DNAJA2: variants seen among roughly 807,000 people sequenced by gnomAD.
The protein encoded by DNAJA2 is dnaJ homolog subfamily A member 2.
DNAJA2 carries 6 observed loss-of-function variants against 49.3 expected under a neutral mutation model. The ratio of observed to expected loss-of-function variants is 0.12; its 90% CI spans 0.07 to 0.24. The LOEUF (loss-of-function observed/expected upper bound fraction) is 0.24, where lower values mean the gene tolerates loss of function less well. Ranked by LOEUF, DNAJA2 falls within the 10% of genes least tolerant of loss-of-function variation. The pLI, the probability that DNAJA2 is intolerant of heterozygous loss-of-function variation, is 1.00. For synonymous variants in DNAJA2, 160 were observed against 172.7 expected, an observed-to-expected ratio of 0.93 and a Z score of 0.58; for missense variants, 347 against 516.8, an observed-to-expected ratio of 0.67 and a Z score of 3.19.
chr16:46,959,518 AC>A, intron 6 of DNAJA2, 99 bp from the exon 7 acceptor site: 1 of 1,163,940 alleles, frequency 8.6e-7, no homozygotes, highest in Non-Finnish European at 1.2e-6. Flanking sequence ...CCTTATTTCT[AC>A]CACTCACTGC....
rs1254218115 is a variant in DNAJA2 at position 46,956,935 on chromosome 16, T to C, written c.*94A>G. The C allele has an allele frequency of 7.4e-7, 1 of 1,343,576 alleles. No homozygotes were observed. The highest frequency in any genetic ancestry group is 1.1e-6 in the Non-Finnish European group (1 of 937,296). 83.2% of individuals were successfully genotyped at this position (1,343,576 alleles called of 1,614,324 possible). A position where few individuals can be genotyped will look rare whatever the true frequency, so the allele number is the denominator to read the frequency against. ...CATAGACCAACAGATGTCCCTCAGT[T>C]CATCTGGATTGATAAGACACTCCAG... On this transcript the variant is annotated 3_prime_UTR_variant, in exon 9 of 9. Coordinates refer to ENST00000317089, the MANE Select transcript of DNAJA2 (RefSeq NM_005880.4).
chr16:46,971,794 G>A (rs1294213775), intron 2 of DNAJA2, 102 bp downstream of exon 2: 1 of 1,065,554 alleles, frequency 9.4e-7, no homozygotes, highest in Non-Finnish European at 1.4e-6. Flanking sequence ...GTGGCTGTGT[G>A]GGCATAGTTG....
chr16:46,968,984 C>A (rs1248997603), intron 3 of DNAJA2, among the ~76,000 whole-genome samples: 2 of 152,110 alleles, frequency 1.3e-5, no homozygotes, highest in African/African-American at 2.4e-5. Context: ...GAGATTGAGG[C>A]TGCAGTGAGC....
intron 1 of DNAJA2, 142 bp from the exon 2 acceptor site, chr16:46,972,097 C>G: frequency 6.1e-6 from 4 of 657,742 alleles, no homozygotes; most frequent in Non-Finnish European, 1.1e-5. Context: ...AGGGATTCTT[C>G]GGCACTTTCT....
Position 46,973,672 on chromosome 16 carries a change from AGC to A in DNAJA2, c.-102_-101del. Reference sequence around the variant, plus strand: ...GGCGGCGGCACAGGCCGAGGGAGACAGCGAGGGGGAAGCGGGGGCGGGGCTGA... The same window carrying A: ...GGCGGCGGCACAGGCCGAGGGAGACAGAGGGGGAAGCGGGGGCGGGGCTGA... On this transcript the variant is annotated 5_prime_UTR_variant, in exon 1 of 9. Transcript: ENST00000317089. The A allele has an allele frequency of 7.8e-7, 1 of 1,275,288 alleles. No homozygotes were observed. Among genetic ancestry groups the A allele is most frequent in the Non-Finnish European group, 1.1e-6 (1 of 921,200 alleles). 79.0% of individuals were successfully genotyped at this position (1,275,288 alleles called of 1,614,324 possible).
Position 46,957,148 on chromosome 16 carries a change from G to T in DNAJA2, c.1120C>A (p.Gln374Lys). 1 of 1,614,182 alleles carries T rather than the reference G, an allele frequency of 6.2e-7. No homozygotes were observed. The highest frequency in any genetic ancestry group is 1.1e-5 in the South Asian group (1 of 91,082). The change falls in exon 9 of 9, where the codon CAG becomes AAG. Residue 374 changes from glutamine (Q) to lysine (K), a missense_variant. Gln to Lys is a moderately conservative substitution (Grantham distance 53, BLOSUM62 1). Transcript: ENST00000317089. ...IIGETEEVELQEFDSTRGSGG... is the reference protein window; with the variant it reads ...IIGETEEVELKEFDSTRGSGG... The stretch of plus-strand genomic sequence containing the variant: ...GAGCCTCGAGTGCTATCAAATTCCT[G>T]AAGCTCTACCTCCTCTGTTTCTCCA...
Position 46,956,855 on chromosome 16 carries a change from G to T in DNAJA2, c.*174C>A, listed in dbSNP as rs1961822453. On this transcript the variant is annotated 3_prime_UTR_variant, in exon 9 of 9. Coordinates refer to ENST00000317089, the MANE Select transcript of DNAJA2 (RefSeq NM_005880.4). ...AGTCAAAATGAAGATGTAAAGCTTT[G>T]TGGTTAGTTTAAATTATACACTCTG... The T allele has an allele frequency of 1.5e-6, 1 of 685,948 alleles. No homozygotes were observed. Among genetic ancestry groups the T allele is most frequent in the African/African-American group, 1.8e-5 (1 of 55,772 alleles). 42.5% of individuals were successfully genotyped at this position (685,948 alleles called of 1,614,324 possible). A position where few individuals can be genotyped will look rare whatever the true frequency, so the allele number is the denominator to read the frequency against.
chr16:46,958,145 C>T (rs1961842648), intron 8 of DNAJA2, among the ~76,000 whole-genome samples: 2 of 151,990 alleles, frequency 1.3e-5, no homozygotes, highest in South Asian at 4.2e-4. Flanking sequence ...ATAGCAACAT[C>T]TCTATAAAAA....
chr16:46,956,890 T>C lies in DNAJA2; in HGVS notation c.*139A>G. ...TAAATTATACACTCTGTAGATACTA[T>C]ACCAATTTTAAAAGTTATACATAGA... On this transcript the variant is annotated 3_prime_UTR_variant, in exon 9 of 9. Coordinates refer to ENST00000317089, the MANE Select transcript of DNAJA2 (RefSeq NM_005880.4). The C allele has an allele frequency of 1.1e-6, 1 of 876,826 alleles. No individual in the cohort carries two copies. The highest frequency in any genetic ancestry group is 1.8e-6 in the Non-Finnish European group (1 of 544,260). 54.3% of individuals were successfully genotyped at this position (876,826 alleles called of 1,614,324 possible).
rs1962001824 is a variant in DNAJA2, at chr16:46,968,238, T to TA, written c.363-75dup. 5.2e-6 allele frequency: 5 copies of TA among 969,784 alleles called. No individual in the cohort carries two copies. In the East Asian group the frequency reaches 1.3e-4, roughly 24 times the overall value. 60.1% of individuals were successfully genotyped at this position (969,784 alleles called of 1,614,324 possible). On this transcript the variant is annotated intron_variant, in intron 3 of 8. Transcript: ENST00000317089. ...AATACAAGATATAAGTAACAGCTGA[T>TA]ACAGCAAATTCGTTATCAACTTTTA...
rs1381399082 is a variant in DNAJA2 at position 46,955,715 on chromosome 16, A to G, written c.*1314T>C. 7.2e-5 allele frequency: 11 copies of G among 152,190 alleles called. No homozygotes were observed. Among genetic ancestry groups the G allele is most frequent in the Admixed American group, 3.3e-4 (5 of 15,262 alleles). 9.4% of individuals were successfully genotyped at this position (152,190 alleles called of 1,614,324 possible). On this transcript the variant is annotated 3_prime_UTR_variant, in exon 9 of 9. Transcript: ENST00000317089. ...CCCCATTTGTTCCTTTATAAATGTA[A>G]AATTGTGCATCTGATGTCTCTTTCC...
chr16:46,964,944 G>C (rs932355108), intron 5 of DNAJA2, 137 bp from the exon 6 acceptor site: 1 of 718,174 alleles, frequency 1.4e-6, no homozygotes, highest in Non-Finnish European at 2.2e-6. Context: ...CTGAGGCCAA[G>C]CACAGTGGCT....
chr16:46,964,579 A>G, intron 6 of DNAJA2, 32 bp downstream of exon 6: 1 of 1,579,946 alleles, frequency 6.3e-7, no homozygotes, highest in Non-Finnish European at 8.6e-7. Flanking sequence ...TGAATAAAAC[A>G]AAATACAAAA....
intron 3 of DNAJA2, 63 bp downstream of exon 3, chr16:46,971,286 G>T: frequency 7.0e-7 from 1 of 1,421,054 alleles, no homozygotes; most frequent in South Asian, 1.3e-5. Context: ...TTCATCTACT[G>T]AGTCATTATC....
At chr16:46,960,718 G>C (rs917942851) in intron 6 of DNAJA2, among the ~76,000 whole-genome samples, 1 of 152,154 alleles carries the variant, frequency 6.6e-6, no homozygotes, top group Non-Finnish European at 1.5e-5. Context: ...GGCGGAGGCT[G>C]CAGTGAACCA....
At position 46,973,586 on chromosome 16, in the gene DNAJA2, G is replaced by A. The variant is rs1305550781; in HGVS notation, c.-14C>T. ...CACGTTAGCCATGGCGGCCGGCCGG[G>A]CAGTGCTCGGGGAGAAGGTGGCGAA... On this transcript the variant is annotated 5_prime_UTR_variant, in exon 1 of 9. Transcript: ENST00000317089. The A allele has an allele frequency of 6.3e-7, 1 of 1,590,368 alleles. No individual in the cohort carries two copies. Among genetic ancestry groups the A allele is most frequent in the South Asian group, 1.1e-5 (1 of 89,198 alleles).
At chr16:46,970,121 T>A (rs1183272372) in intron 3 of DNAJA2, among the ~76,000 whole-genome samples, 1 of 152,240 alleles carries the variant, frequency 6.6e-6, no homozygotes, top group Non-Finnish European at 1.5e-5. Context: ...GTACCTGAAC[T>A]TCGGCCACTG....
intron 7 of DNAJA2, 21 bp downstream of exon 7, chr16:46,959,254 T>C (rs1961861325): frequency 5.0e-6 from 8 of 1,595,538 alleles, no homozygotes; most frequent in Non-Finnish European, 6.8e-6. Flanking sequence ...AAAACCAGAA[T>C]CGGACAAAAT....
chr16:46,962,843 T>C (rs1175254122), intron 6 of DNAJA2, among the ~76,000 whole-genome samples: 2 of 152,202 alleles, frequency 1.3e-5, no homozygotes, highest in African/African-American at 4.8e-5. Flanking sequence ...CATGCCCTGA[T>C]TGTCCAGGAG....
Sources: gnomAD v4.1 joint callset for allele counts (sites outside exome capture counted in the v4.1 genomes callset) on GRCh38, gnomAD v4.1.1 for gene constraint, MANE v1.5 for transcripts, NCBI Gene and HGNC (gene_info 2026-07-23, HGNC 2026-07-21) for gene names.